The following TERT variants were observed in gnomAD, a reference collection of about 807,000 sequenced individuals.
TERT encodes the protein telomerase reverse transcriptase, also known as telomerase catalytic subunit.
A neutral mutation model predicts 104.0 loss-of-function variants in TERT; 42 were observed. That is an observed-to-expected ratio of 0.40 (90% CI 0.32 to 0.52). The LOEUF is 0.52. Among genes scored for constraint, TERT ranks in the 20% least tolerant of loss-of-function variants. TERT has a pLI of 0.43. For synonymous variants in TERT, 781 were observed against 725.6 expected, an observed-to-expected ratio of 1.08 and a Z score of -1.23; for missense variants, 1,101 against 1,610.3, an observed-to-expected ratio of 0.68 and a Z score of 5.41.
At chr5:1,276,217 T>C (rs1579571436) in intron 6 of TERT, among the ~76,000 whole-genome samples, 1 of 128,808 alleles carries the variant, frequency 7.8e-6, no homozygotes, top group Admixed American at 8.2e-5. Flanking sequence ...TAGAAACCAA[T>C]CCCACAGATC....
At chr5:1,281,005 C>T (rs945740932) in intron 3 of TERT, among the ~76,000 whole-genome samples, 1 of 152,222 alleles carries the variant, frequency 6.6e-6, no homozygotes, top group South Asian at 2.1e-4. Context: ...AGGCCGCAGG[C>T]CCAGCAGAGT....
rs1751296255 is a variant in TERT at position 1,294,888 on chromosome 5, C to G, written c.102G>C (p.Gln34His). 7.0e-7 allele frequency: 1 copy of G among 1,437,026 alleles called. No homozygotes were observed. The highest frequency in any genetic ancestry group is 1.5e-5 in the African/African-American group (1 of 67,048). 89.0% of individuals were successfully genotyped at this position (1,437,026 alleles called of 1,614,324 possible). The change falls in exon 1 of 16, where the codon CAG becomes CAC. Residue 34 changes from glutamine to histidine, a missense_variant. By Grantham distance (24) the Gln-to-His change is conservative. Transcript: ENST00000310581. ...CCCCGCGCTGCACCAGCCGCCAGCC[C>G]TGGGGCCCCAGGCGCCGCACGAACG... Reference protein sequence around the residue: ...LATFVRRLGPQGWRLVQRGDP... With the variant: ...LATFVRRLGPHGWRLVQRGDP...
rs2126692769 is a variant in TERT at position 1,294,947 on chromosome 5, G to A, written c.43C>T (p.Arg15Cys). The A allele has an allele frequency of 1.4e-6, 2 of 1,393,228 alleles. No individual in the cohort carries two copies. The highest frequency in any genetic ancestry group is 9.3e-7 in the Non-Finnish European group (1 of 1,079,054). 86.3% of individuals were successfully genotyped at this position (1,393,228 alleles called of 1,614,324 possible). The change falls in exon 1 of 16, where the codon CGC (arginine) becomes TGC (cysteine). Residue 15 changes from arginine to cysteine, a missense_variant. Arg to Cys is a radical substitution (Grantham distance 180, BLOSUM62 -3). Coordinates refer to ENST00000310581, the MANE Select transcript of TERT (RefSeq NM_198253.3). Reference protein sequence around the residue: ...PRCRAVRSLLRSHYREVLPLA... With the variant: ...PRCRAVRSLLCSHYREVLPLA... ...GGCAGCACCTCGCGGTAGTGGCTGC[G>A]CAGCAGGGAGCGCACGGCTCGGCAG...
At chr5:1,290,347 A>G (rs373938846) in intron 2 of TERT, among the ~76,000 whole-genome samples, 465 of 14,796 alleles carry the variant, frequency 0.031, 28 homozygotes, top group Admixed American at 0.043. Flanking sequence ...CGGGGACGGC[A>G]CCTCACTCAC....
In TERT at chr5:1,274,670, G is replaced by A. The variant is rs979497072; in HGVS notation, c.2287-2390C>T. 2.6e-5 allele frequency among the ~76,000 whole-genome samples: 4 copies of A among 152,186 alleles called. No homozygotes were observed. Among genetic ancestry groups the A allele is most frequent in the Admixed American group, 6.5e-5 (1 of 15,286 alleles). On this transcript the variant is annotated intron_variant, in intron 6 of 15. Transcript: ENST00000310581. The surrounding 1 kb of genome is among the most constrained non-coding windows in gnomAD (Gnocchi z 5.3). ...AGAGGGGCGGGGCTCAGGCGGGAAC[G>A]CTGGCTCCCCACACCCCACCTAGCC... is the stretch of plus-strand genomic sequence containing the variant.
chr5:1,266,438 C>T (rs1473021184), intron 10 of TERT, 26 bp downstream of exon 10: 4 of 1,595,264 alleles, frequency 2.5e-6, no homozygotes, highest in Admixed American at 1.7e-5. Flanking sequence ...GTGGAGGTCC[C>T]CACAGACACA....
chr5:1,259,815 C>A (rs1466780530), intron 12 of TERT, among the ~76,000 whole-genome samples: 1 of 135,062 alleles, frequency 7.4e-6, no homozygotes, highest in African/African-American at 2.9e-5. Flanking sequence ...CAGATGCCCA[C>A]AGGAGAGGGA....
At chr5:1,284,834 C>T (rs529848909) in intron 2 of TERT, among the ~76,000 whole-genome samples, 16 of 150,148 alleles carry the variant, frequency 1.1e-4, no homozygotes, top group African/African-American at 3.4e-4. Flanking sequence ...CTGCACCATC[C>T]GGACACCGCA....
chr5:1,253,974 C>T, intron 15 of TERT, 143 bp from the exon 16 acceptor site: 1 of 928,580 alleles, frequency 1.1e-6, no homozygotes, highest in South Asian at 1.4e-5. Flanking sequence ...GGGACAGACA[C>T]CCCTCCACCG....
At chr5:1,254,741 A>G (rs1040672448) in intron 14 of TERT, among the ~76,000 whole-genome samples, 4 of 152,236 alleles carry the variant, frequency 2.6e-5, no homozygotes, top group African/African-American at 9.6e-5. Context: ...CAGGTTCGAC[A>G]TGGCTTGAAT....
At chr5:1,279,207 C>T (rs1348406458) in intron 5 of TERT, 84 bp downstream of exon 5, 40 of 1,463,878 alleles carry the variant, frequency 2.7e-5, no homozygotes, top group Middle Eastern at 2.4e-4. Flanking sequence ...CCCAGGAGTA[C>T]CTCCTCCACC....
At chr5:1,290,714 C>T (rs1750856707) in intron 2 of TERT, among the ~76,000 whole-genome samples, 2 of 74,556 alleles carry the variant, frequency 2.7e-5, no homozygotes, top group Admixed American at 2.6e-4. Flanking sequence ...ACAGGGACAC[C>T]CGGGGACCGC....
chr5:1,271,409 T>C lies in TERT; in HGVS notation c.2383-205A>G, dbSNP rs11133719. 0.87 allele frequency among the ~76,000 whole-genome samples: 132,290 copies of C among 152,270 alleles called. 57,604 individuals carry two copies. Among genetic ancestry groups the C allele is most frequent in the African/African-American group, 0.91 (37,866 of 41,550 alleles). On this transcript the variant is annotated intron_variant, in intron 7 of 15. Transcript: ENST00000310581. ...CTTAGGCAGAGTGTGTGACACAGAA[T>C]GTCTCCTCTGGGCCACCTGTGGGTC... is the stretch of plus-strand genomic sequence containing the variant.
chr5:1,270,484 G>A lies in TERT; in HGVS notation c.2468+635C>T, dbSNP rs1007624156. ...TGGTTTTACTTAAAATCCAGAGGACGTGATGTGGCACCAGGCACTGTGGCT... is the reference window on the plus strand; with the variant it reads ...TGGTTTTACTTAAAATCCAGAGGACATGATGTGGCACCAGGCACTGTGGCT... On this transcript the variant is annotated intron_variant, in intron 8 of 15. Transcript: ENST00000310581. This position sits in a 1 kb window ranked among gnomAD's most constrained non-coding sequence, Gnocchi z 8.3. Among the ~76,000 whole-genome samples the A allele has an allele frequency of 1.3e-5, 2 of 152,210 alleles. No homozygotes were observed. The highest frequency in any genetic ancestry group is 2.9e-5 in the Non-Finnish European group (2 of 68,038).
In TERT at chr5:1,282,449, C is replaced by A; in HGVS notation, c.1749G>T (p.Lys583Asn). 1.9e-6 allele frequency: 3 copies of A among 1,614,054 alleles called. No homozygotes were observed. Among genetic ancestry groups the A allele is most frequent in the Non-Finnish European group, 2.5e-6 (3 of 1,179,962 alleles). Residue 583 changes from lysine (K) to asparagine (N), a missense_variant, in exon 3 of 16, where the codon AAG becomes AAT. Lys to Asn is a moderately conservative substitution (Grantham distance 94, BLOSUM62 0). Transcript: ENST00000310581. The stretch of plus-strand genomic sequence containing the variant: ...AGTACCTGATTCCAATGCTTTGCAA[C>A]TTGCTCCAGACACTCTTCCGGTAGA... Reference protein sequence around the residue: ...LFFYRKSVWSKLQSIGIRQHL... With the variant: ...LFFYRKSVWSNLQSIGIRQHL...
intron 9 of TERT, among the ~76,000 whole-genome samples, chr5:1,267,561 G>A (rs113493636): frequency 0.022 from 3,302 of 152,302 alleles, 118 homozygotes; most frequent in African/African-American, 0.074. Flanking sequence ...ACTATTCACA[G>A]TAGCAAAGAC....
intron 6 of TERT, among the ~76,000 whole-genome samples, chr5:1,277,461 C>T (rs1749678445): frequency 6.6e-6 from 1 of 152,188 alleles, no homozygotes; most frequent in African/African-American, 2.4e-5. Context: ...ACAGCTGAGG[C>T]GTTCAGCATA....
intron 9 of TERT, among the ~76,000 whole-genome samples, chr5:1,267,067 G>A (rs951035350): frequency 1.3e-5 from 2 of 152,178 alleles, no homozygotes; most frequent in Non-Finnish European, 2.9e-5. Context: ...CCGCCAGCTC[G>A]AGGACACTTT....
At chr5:1,271,462 C>A (rs1259970980) in intron 7 of TERT, among the ~76,000 whole-genome samples, 1 of 152,158 alleles carries the variant, frequency 6.6e-6, no homozygotes, top group African/African-American at 2.4e-5. Context: ...ACACAGCCCA[C>A]CGTGGCCCGG....
Sources: allele counts gnomAD v4.1 joint callset (sites outside exome capture counted in the v4.1 genomes callset), GRCh38; gene constraint gnomAD v4.1.1; non-coding constraint Gnocchi (gnomAD v3.1); transcripts MANE v1.5; gene names NCBI Gene and HGNC (gene_info 2026-07-23, HGNC 2026-07-21).